ZNF385A: variants seen among roughly 807,000 people sequenced by gnomAD.
ZNF385A encodes zinc finger protein 385A.
ZNF385A carries 14 observed loss-of-function variants against 32.1 expected under a neutral mutation model. That is an observed-to-expected ratio of 0.44 (90% CI 0.29 to 0.68). The LOEUF (loss-of-function observed/expected upper bound fraction) is 0.68. Among genes scored for constraint, ZNF385A ranks in the 30% least tolerant of loss-of-function variants. The probability of loss-of-function intolerance (pLI) is 0.14; values close to 1 mark genes in which losing one functional copy is unlikely to be tolerated. For missense variants in ZNF385A, 406 were observed against 478.4 expected (o/e 0.85, Z 1.41); for synonymous variants, 197 against 202.7 (o/e 0.97, Z 0.24).
chr12:54,378,902 C>T (rs1954981046), intron 1 of ZNF385A, among the ~76,000 whole-genome samples: 1 of 152,014 alleles, frequency 6.6e-6, no homozygotes, highest in South Asian at 2.1e-4. Context: ...GAGCTGGGAT[C>T]CCGAGATTGG....
At chr12:54,382,604 G>A (rs1213109644) in intron 1 of ZNF385A, among the ~76,000 whole-genome samples, 1 of 152,196 alleles carries the variant, frequency 6.6e-6, no homozygotes, top group Non-Finnish European at 1.5e-5. Flanking sequence ...GGGTTGTTGT[G>A]AAGGTGAAAT....
upstream of ZNF385A, chr12:54,385,662 C>G (rs994720702): frequency 1.8e-5 from 18 of 985,424 alleles, no homozygotes; most frequent in Non-Finnish European, 2.2e-5. Context: ...AGACACCACC[C>G]CCTTTCATAC....
rs1955367338 is a variant in ZNF385A at position 54,384,539 on chromosome 12, C to T, written c.-25G>A. The T allele has an allele frequency of 8.0e-6, 12 of 1,499,112 alleles. No individual in the cohort carries two copies. The highest frequency in any genetic ancestry group is 1.1e-5 in the Non-Finnish European group (12 of 1,125,786). 92.9% of individuals were successfully genotyped at this position (1,499,112 alleles called of 1,614,324 possible). On this transcript the variant is annotated 5_prime_UTR_variant, in exon 1 of 7. Coordinates refer to ENST00000394313, the MANE Select transcript of ZNF385A (RefSeq NM_015481.3). ...TGATCGGGGGCTGCCGTAGCAGAGG[C>T]AGGGGCCCTGCCCGGCTCAGGCTGC...
chr12:54,384,526 G>A lies in ZNF385A; in HGVS notation c.-12C>T, dbSNP rs777762228. The A allele has an allele frequency of 6.6e-7, 1 of 1,517,600 alleles. No homozygotes were observed. The allele number at this position is 1,517,600 out of a possible 1,614,324, so 94.0% of individuals were successfully genotyped here. On this transcript the variant is annotated 5_prime_UTR_variant, in exon 1 of 7. Transcript: ENST00000394313. ...AGTGGGGGCTGCATGATCGGGGGCTGCCGTAGCAGAGGCAGGGGCCCTGCC... is the reference window on the plus strand; with the variant it reads ...AGTGGGGGCTGCATGATCGGGGGCTACCGTAGCAGAGGCAGGGGCCCTGCC...
At chr12:54,382,826 C>A (rs1024924523) in intron 1 of ZNF385A, among the ~76,000 whole-genome samples, 1 of 151,904 alleles carries the variant, frequency 6.6e-6, no homozygotes, top group African/African-American at 2.4e-5. Flanking sequence ...GCCAAATCAC[C>A]ATATCCTTTT....
upstream of ZNF385A, chr12:54,385,227 T>G (rs965002421): frequency 6.6e-6 from 1 of 152,346 alleles, no homozygotes; most frequent in African/African-American, 2.4e-5. Flanking sequence ...CATGCCCTTT[T>G]GTCTCACCAG....
intron 2 of ZNF385A, among the ~76,000 whole-genome samples, chr12:54,374,404 A>ACC (rs61227033): frequency 5.3e-5 from 8 of 151,890 alleles, no homozygotes; most frequent in Non-Finnish European, 1.0e-4. Context: ...GCTGACTCAG[A>ACC]CCCCCACCTA....
chr12:54,390,028 T>C (rs972201875), intron 1 of ZNF385A, among the ~76,000 whole-genome samples: 6 of 151,242 alleles, frequency 4.0e-5, no homozygotes, highest in African/African-American at 1.5e-4. Context: ...GGATAGGCGG[T>C]GAAATGAAAG....
chr12:54,390,863 G>C (rs1190994223), intron 1 of ZNF385A, among the ~76,000 whole-genome samples: 1 of 151,934 alleles, frequency 6.6e-6, no homozygotes, highest in Non-Finnish European at 1.5e-5. Flanking sequence ...TGGGGCGGGA[G>C]ACGGGTCAGA....
Position 54,369,550 on chromosome 12 carries a change from T to G in ZNF385A, c.*706A>C, listed in dbSNP as rs1954408169. The G allele has an allele frequency of 6.5e-6, 1 of 152,812 alleles. No homozygotes were observed. Among genetic ancestry groups the G allele is most frequent in the Admixed American group, 6.5e-5 (1 of 15,268 alleles). 9.5% of individuals were successfully genotyped at this position (152,812 alleles called of 1,614,324 possible). On this transcript the variant is annotated 3_prime_UTR_variant, in exon 7 of 7. Transcript: ENST00000394313. ...ACCCCTTGCCCCCCTCGGTACCCCT[T>G]GGGCGATGGGTGCTGGTGAAAAGAA...
intron 1 of ZNF385A, chr12:54,379,211 A>G: frequency 3.9e-5 from 38 of 978,800 alleles, no homozygotes; most frequent in Non-Finnish European, 4.6e-5. Flanking sequence ...CGGCGGGGAG[A>G]AGGGGAGGCG....
chr12:54,372,660 T>C (rs1954614542), intron 3 of ZNF385A, among the ~76,000 whole-genome samples: 1 of 152,230 alleles, frequency 6.6e-6, no homozygotes. Flanking sequence ...ACCATCATCA[T>C]CATCATCCTC....
At chr12:54,372,286 G>A (rs1295089258) in intron 3 of ZNF385A, among the ~76,000 whole-genome samples, 2 of 152,198 alleles carry the variant, frequency 1.3e-5, no homozygotes, top group African/African-American at 2.4e-5. Flanking sequence ...CCTCAGTGCT[G>A]GGTTCTGGCC....
At position 54,370,677 on chromosome 12, in the gene ZNF385A, G is replaced by A. The variant is rs766662350; in HGVS notation, c.819C>T (p.Pro273=). 6.2e-7 allele frequency: 1 copy of A among 1,604,268 alleles called. No individual in the cohort carries two copies. The change falls in exon 6 of 7, where the codon CCC becomes CCT. Residue 273 remains proline, a synonymous_variant. Transcript: ENST00000394313. This position sits in a 1 kb window ranked among gnomAD's most constrained non-coding sequence, Gnocchi z 5.5. Reference sequence around the variant, plus strand: ...TCTTGTGACGGCTCAGTAGTGGGTTGGGCTTCCCGGCCACGCCGTCTCGGT... The same window carrying A: ...TCTTGTGACGGCTCAGTAGTGGGTTAGGCTTCCCGGCCACGCCGTCTCGGT... ...RRHRDGVAGK[P]NPLLSRHKKS... is the part of the protein sequence containing the mutation.
At chr12:54,376,106 T>TCTTA in intron 1 of ZNF385A, 152 bp from the exon 2 acceptor site, 1 of 641,114 alleles carries the variant, frequency 1.6e-6, no homozygotes, top group Non-Finnish European at 2.8e-6. Flanking sequence ...TCTGATTCTC[T>TCTTA]CTTAGCCCAA....
chr12:54,370,867 C>G lies in ZNF385A; in HGVS notation c.774+60G>C. On this transcript the variant is annotated intron_variant, in intron 5 of 6. Coordinates refer to ENST00000394313, the MANE Select transcript of ZNF385A (RefSeq NM_015481.3). This position sits in a 1 kb window ranked among gnomAD's most constrained non-coding sequence, Gnocchi z 5.5. ...AGGGCCTTTACTCAAGCTCCTTGCT[C>G]CCCTTCCCCACTTAGCGGGTGGAGC... 1.2e-6 allele frequency: 2 copies of G among 1,612,414 alleles called. No individual in the cohort carries two copies. Among genetic ancestry groups the G allele is most frequent in the Non-Finnish European group, 1.7e-6 (2 of 1,178,968 alleles).
chr12:54,390,664 C>A (rs1413229045), intron 1 of ZNF385A, among the ~76,000 whole-genome samples: 1 of 144,994 alleles, frequency 6.9e-6, no homozygotes, highest in African/African-American at 2.6e-5. Context: ...TTCTCCCAAG[C>A]CCCTCTTCTC....
chr12:54,379,869 T>C (rs1262444525), intron 1 of ZNF385A, among the ~76,000 whole-genome samples: 1 of 152,198 alleles, frequency 6.6e-6, no homozygotes, highest in Non-Finnish European at 1.5e-5. Flanking sequence ...GGGGCAGCAC[T>C]GGGGGACCAG....
chr12:54,373,997 C>T lies in ZNF385A; in HGVS notation c.337G>A (p.Gly113Arg), dbSNP rs1216219154. The T allele has an allele frequency of 3.2e-6, 5 of 1,574,314 alleles. No homozygotes were observed. The highest frequency in any genetic ancestry group is 8.6e-7 in the Non-Finnish European group (1 of 1,157,790). Reference sequence around the variant, plus strand: ...CCTGGACGGGGTGCTACACCATCCCCATTTGTTGGGGTGCTGCCTGGGGGA... The same window carrying T: ...CCTGGACGGGGTGCTACACCATCCCTATTTGTTGGGGTGCTGCCTGGGGGA... The part of the protein sequence containing the change: ...PAPPGSTPTN[G>R]DGVAPRPVSM... The change falls in exon 3 of 7, where the codon GGG becomes AGG. Residue 113 changes from glycine (G) to arginine (R), a missense_variant. Coordinates refer to ENST00000394313, the MANE Select transcript of ZNF385A (RefSeq NM_015481.3).
Sources: gnomAD v4.1 joint callset for allele counts (sites outside exome capture counted in the v4.1 genomes callset) on GRCh38, gnomAD v4.1.1 for gene constraint, Gnocchi (gnomAD v3.1) non-coding constraint, MANE v1.5 for transcripts, NCBI Gene and HGNC (gene_info 2026-07-23, HGNC 2026-07-21) for gene names.